RET: variants seen among roughly 807,000 people sequenced by gnomAD.
The protein encoded by RET is proto-oncogene tyrosine-protein kinase receptor Ret.
Under a neutral mutation model 118.3 loss-of-function variants are expected in RET, and 19 were observed. The observed-to-expected ratio is 0.16, with a 90% confidence interval of 0.11 to 0.24. The LOEUF (loss-of-function observed/expected upper bound fraction) is 0.24, where lower values mean the gene tolerates loss of function less well. Ranked by LOEUF, RET falls within the 10% of genes least tolerant of loss-of-function variation. RET has a pLI of 1.00. For synonymous variants in RET, 597 were observed against 644.1 expected, an observed-to-expected ratio of 0.93 and a Z score of 1.11; for missense variants, 1,219 against 1,502.1, an observed-to-expected ratio of 0.81 and a Z score of 3.12.
In RET at chr10:43,085,076, C is replaced by T. The variant is rs933147711; in HGVS notation, c.73+7745C>T. On this transcript the variant is annotated intron_variant, in intron 1 of 19. Transcript: ENST00000355710. ...TTTCTCAGGACAGCGGTGGATGCAC[C>T]TAGGCAGCTCTGGAGGCCAGCATGG... Among the ~76,000 whole-genome samples the T allele has an allele frequency of 3.9e-5, 6 of 152,236 alleles. No individual in the cohort carries two copies. In the South Asian group the frequency reaches 1.2e-3, roughly 32 times the overall value.
chr10:43,098,420 C>T (rs1217663656), intron 1 of RET, among the ~76,000 whole-genome samples: 1 of 118,920 alleles, frequency 8.4e-6, no homozygotes, highest in Non-Finnish European at 1.8e-5. Flanking sequence ...GGATTTTCCT[C>T]CTTTTTTTTT....
At chr10:43,101,614 G>A (rs1837644336) in intron 2 of RET, among the ~76,000 whole-genome samples, 1 of 152,232 alleles carries the variant, frequency 6.6e-6, no homozygotes, top group South Asian at 2.1e-4. Flanking sequence ...GGAGTCCCTG[G>A]GTGGGGGCCA....
intron 1 of RET, among the ~76,000 whole-genome samples, chr10:43,095,197 G>A (rs922774256): frequency 6.6e-6 from 1 of 152,162 alleles, no homozygotes; most frequent in South Asian, 2.1e-4. Flanking sequence ...GCTGAGGCTG[G>A]GGGCTGCAGG....
At chr10:43,103,909 G>C (rs1250735041) in intron 3 of RET, among the ~76,000 whole-genome samples, 2 of 152,224 alleles carry the variant, frequency 1.3e-5, no homozygotes, top group African/African-American at 4.8e-5. Context: ...GGGTTGTGGG[G>C]TCTTCAGCGG....
intron 14 of RET, 77 bp from the exon 15 acceptor site, chr10:43,120,004 G>C (rs2132955976): frequency 6.3e-7 from 1 of 1,594,264 alleles, no homozygotes; most frequent in Admixed American, 1.7e-5. Flanking sequence ...CCACCCCTCT[G>C]CTGGTCACAC....
intron 15 of RET, among the ~76,000 whole-genome samples, chr10:43,120,656 G>C (rs901320084): frequency 6.6e-6 from 1 of 152,194 alleles, no homozygotes; most frequent in Non-Finnish European, 1.5e-5. Context: ...TGGACACTGG[G>C]CTGGGTGAGT....
chr10:43,095,351 C>T (rs77362395), intron 1 of RET, among the ~76,000 whole-genome samples: 3,783 of 152,272 alleles, frequency 0.025, 79 homozygotes, highest in Non-Finnish European at 0.04. Flanking sequence ...GTGTAACAAC[C>T]GGAGACAGGA....
intron 1 of RET, among the ~76,000 whole-genome samples, chr10:43,080,898 G>A (rs1564482262): frequency 6.6e-6 from 1 of 152,218 alleles, no homozygotes; most frequent in Non-Finnish European, 1.5e-5. Context: ...TGTGGCCCTT[G>A]CAGCCAACAT....
intron 19 of RET, chr10:43,127,466 A>C: frequency 2.9e-6 from 3 of 1,046,640 alleles, no homozygotes; most frequent in Non-Finnish European, 3.5e-6. Flanking sequence ...GTTCTTGCCA[A>C]AACTCCTTCT....
At position 43,114,204 on chromosome 10, in the gene RET, G is replaced by A. The variant is rs2132838768; in HGVS notation, c.1880-276G>A. ...GCCCTCCAGTGCCAGCTGGTGTAAT[G>A]AGCACAGCCTCTGCTGTGTGACCTT... is the stretch of plus-strand genomic sequence containing the variant. On this transcript the variant is annotated intron_variant, in intron 10 of 19. Coordinates refer to ENST00000355710, the MANE Select transcript of RET (RefSeq NM_020975.6). This position sits in a 1 kb window ranked among gnomAD's most constrained non-coding sequence, Gnocchi z 4.6. 6.6e-6 allele frequency among the ~76,000 whole-genome samples: 1 copy of A among 152,318 alleles called. No homozygotes were observed. Among genetic ancestry groups the A allele is most frequent in the Non-Finnish European group, 1.5e-5 (1 of 68,018 alleles).
At chr10:43,115,343 A>G (rs988781840) in intron 11 of RET, among the ~76,000 whole-genome samples, 1 of 152,182 alleles carries the variant, frequency 6.6e-6, no homozygotes, top group Admixed American at 6.5e-5. Context: ...GGCAGTTCCC[A>G]TCTCAGGCTG....
At chr10:43,105,403 A>G (rs1008085796) in intron 4 of RET, among the ~76,000 whole-genome samples, 1 of 151,920 alleles carries the variant, frequency 6.6e-6, no homozygotes, top group Non-Finnish European at 1.5e-5. Flanking sequence ...CTCGGGAGGC[A>G]AGGACCAGGA....
chr10:43,126,104 G>T (rs534420175), intron 18 of RET, among the ~76,000 whole-genome samples: 140 of 152,312 alleles, frequency 9.2e-4, no homozygotes, highest in Non-Finnish European at 1.6e-3. Flanking sequence ...TAGATGGCAG[G>T]GGTCCTTGGG....
rs876660157 is a variant in RET, at chr10:43,077,303, G to A, written c.45G>A (p.Leu15=). Residue 15 remains leucine, a synonymous_variant, in exon 1 of 20, where the codon TTG becomes TTA. Transcript: ENST00000355710. ...TSGAAGLRLL[L]LLLLPLLGKV... ...GTGCCGCGGGGCTGCGTCTGCTGTT[G>A]CTGCTGCTGCTGCCGCTGCTAGGCA... 7 of 1,502,192 alleles carry A rather than the reference G, an allele frequency of 4.7e-6. No homozygotes were observed. The highest frequency in any genetic ancestry group is 4.4e-6 in the Non-Finnish European group (5 of 1,129,752). The allele number at this position is 1,502,192 out of a possible 1,614,324, so 93.1% of individuals were successfully genotyped here.
intron 1 of RET, among the ~76,000 whole-genome samples, chr10:43,082,047 T>A (rs1837196408): frequency 6.6e-6 from 1 of 152,106 alleles, no homozygotes; most frequent in African/African-American, 2.4e-5. Context: ...GGAGCTCTGG[T>A]CCCGCAGCTG....
chr10:43,107,397 A>T (rs1024528978), intron 5 of RET, among the ~76,000 whole-genome samples: 3 of 152,038 alleles, frequency 2.0e-5, no homozygotes, highest in Non-Finnish European at 2.9e-5. Flanking sequence ...CGGCAGGTAC[A>T]CCGATGGCAT....
chr10:43,097,439 C>A (rs1265405235), intron 1 of RET, among the ~76,000 whole-genome samples: 1 of 152,108 alleles, frequency 6.6e-6, no homozygotes, highest in Non-Finnish European at 1.5e-5. Context: ...TTGCCTCTCC[C>A]CACCTGAGCT....
At chr10:43,079,896 C>G (rs550048557) in intron 1 of RET, among the ~76,000 whole-genome samples, 5 of 152,180 alleles carry the variant, frequency 3.3e-5, no homozygotes, top group Admixed American at 6.5e-5. Context: ...TGGCCAGAGG[C>G]TTCACCAGGT....
intron 14 of RET, 69 bp from the exon 15 acceptor site, chr10:43,120,012 C>T (rs2132956244): frequency 1.2e-6 from 2 of 1,600,902 alleles, no homozygotes; most frequent in East Asian, 2.3e-5. Context: ...CTGCTGGTCA[C>T]ACCAGGCTGA....
Sources: allele counts gnomAD v4.1 joint callset (sites outside exome capture counted in the v4.1 genomes callset), GRCh38; gene constraint gnomAD v4.1.1; non-coding constraint Gnocchi (gnomAD v3.1); transcripts MANE v1.5; gene names NCBI Gene and HGNC (gene_info 2026-07-23, HGNC 2026-07-21).